Variants in CNTNAP2 observed in about 807,000 individuals in gnomAD.
The protein encoded by CNTNAP2 is contactin associated protein 2.
In CNTNAP2, 98 loss-of-function variants were observed where a neutral mutation model predicts 155.2. The observed-to-expected ratio is 0.63, with a 90% CI of 0.54 to 0.75. CNTNAP2 has a LOEUF of 0.75. Among genes scored for constraint, CNTNAP2 ranks in the 30% least tolerant of loss-of-function variants. CNTNAP2 has a pLI of 0.00. For missense variants in CNTNAP2, 1,727 were observed against 1,688.1 expected, an observed-to-expected ratio of 1.02 and a Z score of -0.40; for synonymous variants, 651 against 631.2, an observed-to-expected ratio of 1.03 and a Z score of -0.47.
intron 1 of CNTNAP2, among the ~76,000 whole-genome samples, chr7:146,494,176 T>C (rs942080839): frequency 2.0e-5 from 3 of 151,640 alleles, no homozygotes; most frequent in African/African-American, 7.3e-5. Flanking sequence ...GTACTAAAAA[T>C]ACAAAAAATT....
At chr7:148,380,888 A>G (rs1488779718) in intron 21 of CNTNAP2, among the ~76,000 whole-genome samples, 1 of 152,212 alleles carries the variant, frequency 6.6e-6, no homozygotes, top group Non-Finnish European at 1.5e-5. Flanking sequence ...GGGTGCCCTC[A>G]ATTACCCAGC....
chr7:146,626,425 G>A (rs1799420223), intron 1 of CNTNAP2, among the ~76,000 whole-genome samples: 1 of 152,064 alleles, frequency 6.6e-6, no homozygotes, highest in Non-Finnish European at 1.5e-5. Flanking sequence ...AATTTAGTGA[G>A]TGGAGCCCAG....
At chr7:147,374,034 A>G (rs938527418) in intron 9 of CNTNAP2, among the ~76,000 whole-genome samples, 3 of 152,070 alleles carry the variant, frequency 2.0e-5, no homozygotes, top group Admixed American at 1.3e-4. Flanking sequence ...AGTTTAGTCT[A>G]AAGAATAGAA....
chr7:146,836,494 T>G (rs1159413496), intron 2 of CNTNAP2, among the ~76,000 whole-genome samples: 1 of 152,180 alleles, frequency 6.6e-6, no homozygotes, highest in Non-Finnish European at 1.5e-5. Context: ...TTTGCTATTT[T>G]CAAGTAATAC....
At chr7:146,749,683 A>G (rs1801870629) in intron 1 of CNTNAP2, among the ~76,000 whole-genome samples, 1 of 152,230 alleles carries the variant, frequency 6.6e-6, no homozygotes, top group East Asian at 1.9e-4. Context: ...GAGTGAAGCT[A>G]TAGAGGAAAA....
intron 1 of CNTNAP2, among the ~76,000 whole-genome samples, chr7:146,715,612 A>T (rs1801173958): frequency 6.6e-6 from 1 of 152,158 alleles, no homozygotes; most frequent in Non-Finnish European, 1.5e-5. Flanking sequence ...CTGAGGAACA[A>T]AAGAAAATCA....
intron 4 of CNTNAP2, among the ~76,000 whole-genome samples, chr7:147,052,381 T>C (rs1799488886): frequency 6.6e-6 from 1 of 152,186 alleles, no homozygotes; most frequent in Admixed American, 6.5e-5. Context: ...TGAACTGACA[T>C]CAAATGTAAA....
intron 1 of CNTNAP2, among the ~76,000 whole-genome samples, chr7:146,759,842 C>A (rs576633616): frequency 5.9e-5 from 9 of 152,006 alleles, no homozygotes; most frequent in Non-Finnish European, 1.3e-4. Flanking sequence ...ACCATAACAC[C>A]AATTAATAAA....
intron 1 of CNTNAP2, among the ~76,000 whole-genome samples, chr7:146,366,243 T>G (rs561715729): frequency 1.6e-5 from 2 of 125,362 alleles, no homozygotes; most frequent in South Asian, 2.2e-4. Context: ...GACCTGAGAG[T>G]TTTTTCTTAA....
At chr7:146,350,978 A>G (rs932690989) in intron 1 of CNTNAP2, among the ~76,000 whole-genome samples, 2 of 138,768 alleles carry the variant, frequency 1.4e-5, no homozygotes, top group South Asian at 2.3e-4. Context: ...AAATTGAACA[A>G]TGAGAGCACA....
intron 1 of CNTNAP2, among the ~76,000 whole-genome samples, chr7:146,610,324 GGAA>G (rs1475444955): frequency 2.0e-5 from 3 of 152,120 alleles, no homozygotes; most frequent in African/African-American, 7.2e-5. Context: ...GAGTAGTTTT[GGAA>G]GACTTGACAT....
chr7:148,343,709 G>T lies in CNTNAP2; in HGVS notation c.3476-39940G>T, dbSNP rs576037476. 2.6e-5 allele frequency among the ~76,000 whole-genome samples: 4 copies of T among 152,282 alleles called. No individual in the cohort carries two copies. The South Asian group carries it at 8.3e-4, about 32-fold the overall frequency. On this transcript the variant is annotated intron_variant, in intron 21 of 23. Transcript: ENST00000361727. The stretch of plus-strand genomic sequence containing the variant: ...ACTCATTTAAAAAAGTAGTTTCCAA[G>T]AAAAGCGTAGACTGGCAAAAGGATG...
At chr7:148,267,264 T>G in intron 21 of CNTNAP2, 138 bp downstream of exon 21, 1 of 784,468 alleles carries the variant, frequency 1.3e-6, no homozygotes, top group South Asian at 1.5e-5. Context: ...GAAAGTTACG[T>G]GGTTGTTCTC....
At chr7:148,165,341 T>C (rs1585161877) in intron 17 of CNTNAP2, among the ~76,000 whole-genome samples, 1 of 152,290 alleles carries the variant, frequency 6.6e-6, no homozygotes, top group Non-Finnish European at 1.5e-5. Context: ...TAAGTACTTC[T>C]TTAAAGGTCC....
At chr7:146,851,792 T>C (rs1248182182) in intron 3 of CNTNAP2, among the ~76,000 whole-genome samples, 1 of 151,932 alleles carries the variant, frequency 6.6e-6, no homozygotes, top group Non-Finnish European at 1.5e-5. Context: ...ATGGATCCTC[T>C]GTCTCAGCCT....
intron 9 of CNTNAP2, among the ~76,000 whole-genome samples, chr7:147,345,531 A>G (rs1266368321): frequency 6.6e-6 from 1 of 152,202 alleles, no homozygotes; most frequent in African/African-American, 2.4e-5. Flanking sequence ...TGTTAAGTTT[A>G]TGTATTCAAT....
intron 16 of CNTNAP2, among the ~76,000 whole-genome samples, chr7:148,137,735 A>AGGAAGGAAGGAAGGTT (rs1554476327): frequency 6.9e-6 from 1 of 145,414 alleles, no homozygotes; most frequent in African/African-American, 2.6e-5. Flanking sequence ...GAAGGAAGGA[A>AGGAAGGAAGGAAGGTT]GGTTCTCCTT....
At chr7:148,269,028 G>C (rs1796726209) in intron 21 of CNTNAP2, among the ~76,000 whole-genome samples, 1 of 152,112 alleles carries the variant, frequency 6.6e-6, no homozygotes, top group African/African-American at 2.4e-5. Flanking sequence ...TCTTGTGCCA[G>C]GAAGTGGTCA....
At chr7:147,257,560 A>G (rs1804359590) in intron 8 of CNTNAP2, among the ~76,000 whole-genome samples, 1 of 152,194 alleles carries the variant, frequency 6.6e-6, no homozygotes, top group Non-Finnish European at 1.5e-5. Context: ...CCAAGTTACA[A>G]TACTTACCAC....
Sources: allele counts gnomAD v4.1 joint callset (sites outside exome capture counted in the v4.1 genomes callset), GRCh38; gene constraint gnomAD v4.1.1; transcripts MANE v1.5; gene names NCBI Gene and HGNC (gene_info 2026-07-23, HGNC 2026-07-21).